Variants in PSEN2 observed in about 807,000 individuals in gnomAD.
The protein encoded by PSEN2 is presenilin 2.
In PSEN2, 32 loss-of-function variants were observed where a neutral mutation model predicts 49.1. The ratio of observed to expected loss-of-function variants is 0.65; its 90% CI spans 0.49 to 0.88. PSEN2 has a LOEUF of 0.88. Among genes scored for constraint, PSEN2 ranks in the 40% least tolerant of loss-of-function variants. PSEN2 has a pLI of 0.00. For synonymous variants in PSEN2, 255 were observed against 244.0 expected (o/e 1.05, Z -0.42); for missense variants, 522 against 586.9 (o/e 0.89, Z 1.14).
chr1:226,879,452 G>A (rs530650914), intron 3 of PSEN2, among the ~76,000 whole-genome samples: 9 of 152,164 alleles, frequency 5.9e-5, no homozygotes, highest in East Asian at 1.9e-4. Flanking sequence ...AGAAAGCTTC[G>A]GGGGCTCTCC....
chr1:226,891,352 C>G lies in PSEN2; in HGVS notation c.961C>G (p.Pro321Ala), dbSNP rs753390653. 2 of 1,612,648 alleles carry G rather than the reference C, an allele frequency of 1.2e-6. No homozygotes were observed. The highest frequency in any genetic ancestry group is 1.7e-6 in the Non-Finnish European group (2 of 1,179,526). ...SQGALQLPYD[P>A]EMEEDSYDSF... is the part of the protein sequence containing the mutation. ...GGGTGCCCTCCAGCTCCCCTACGAC[C>G]CGGAGATGGGTGAGTATCTTGGGGA... Residue 321 changes from proline (P) to alanine (A), a missense_variant, in exon 10 of 13, where the codon CCG becomes GCG. By Grantham distance (27) the Pro-to-Ala change is conservative (BLOSUM62 -1). Coordinates refer to ENST00000366783, the MANE Select transcript of PSEN2 (RefSeq NM_000447.3).
At chr1:226,885,854 G>A (rs1661328515) in intron 6 of PSEN2, among the ~76,000 whole-genome samples, 175 bp downstream of exon 6, 1 of 151,920 alleles carries the variant, frequency 6.6e-6, no homozygotes, top group Non-Finnish European at 1.5e-5. Context: ...ACCTAATACT[G>A]TTGTCTTTTA....
intron 3 of PSEN2, 96 bp from the exon 4 acceptor site, chr1:226,881,792 T>C (rs1013373586): frequency 7.3e-7 from 1 of 1,378,012 alleles, no homozygotes; most frequent in African/African-American, 1.4e-5. Flanking sequence ...AGGACTTGTG[T>C]CCAAGTCTCC....
intron 6 of PSEN2, 39 bp downstream of exon 6, chr1:226,885,718 C>T (rs200617488): frequency 4.4e-6 from 7 of 1,600,934 alleles, no homozygotes; most frequent in South Asian, 3.3e-5. Flanking sequence ...CGCTTCTCTC[C>T]GTCTGCCCCA....
intron 2 of PSEN2, among the ~76,000 whole-genome samples, chr1:226,873,080 G>A (rs1183892373): frequency 1.3e-5 from 2 of 152,254 alleles, no homozygotes; most frequent in East Asian, 3.9e-4. Context: ...AGGAGGCTGA[G>A]GCAGGAGAAT....
intron 2 of PSEN2, among the ~76,000 whole-genome samples, chr1:226,871,622 G>A (rs1342654627): frequency 6.6e-6 from 1 of 152,236 alleles, no homozygotes; most frequent in East Asian, 1.9e-4. Context: ...ACTCAGAAGC[G>A]ACAGCCTGGG....
intron 8 of PSEN2, among the ~76,000 whole-genome samples, chr1:226,889,298 A>G (rs1661582495): frequency 6.7e-6 from 1 of 150,274 alleles, no homozygotes; most frequent in Non-Finnish European, 1.5e-5. Flanking sequence ...TTTTTTTGAG[A>G]TGGAGTCTTG....
At chr1:226,890,588 C>T in intron 9 of PSEN2, 1 of 269,852 alleles carries the variant, frequency 3.7e-6, no homozygotes, top group Non-Finnish European at 7.3e-6. Context: ...GCCTCGGGGT[C>T]AATGTGTAGA....
intron 2 of PSEN2, among the ~76,000 whole-genome samples, chr1:226,872,532 C>T (rs953894717): frequency 1.3e-5 from 2 of 152,196 alleles, no homozygotes; most frequent in African/African-American, 2.4e-5. Flanking sequence ...TCAACTCCTA[C>T]CCGTGTCTCT....
At chr1:226,902,034 A>G (rs1558159685) in intron 12 of PSEN2, among the ~76,000 whole-genome samples, 1 of 152,028 alleles carries the variant, frequency 6.6e-6, no homozygotes, top group Non-Finnish European at 1.5e-5. Flanking sequence ...AGAGAGGAGG[A>G]TGTGACTTAG....
chr1:226,891,166 G>A, intron 9 of PSEN2, 112 bp from the exon 10 acceptor site: 1 of 858,104 alleles, frequency 1.2e-6, no homozygotes. Context: ...ATACCTGCAG[G>A]ATGGAGGGTC....
chr1:226,888,122 T>G lies in PSEN2; in HGVS notation c.530T>G (p.Leu177Arg), dbSNP rs1661492903. 6.2e-7 allele frequency: 1 copy of G among 1,613,866 alleles called. No individual in the cohort carries two copies. The highest frequency in any genetic ancestry group is 1.3e-5 in the African/African-American group (1 of 74,930). ...FIHGWLIMSS[L>R]MLLFLFTYIY... Reference sequence around the variant, plus strand: ...CATGGCTGGTTGATCATGTCTTCACTGATGCTGCTGTTCCTCTTCACCTAT... The same window carrying G: ...CATGGCTGGTTGATCATGTCTTCACGGATGCTGCTGTTCCTCTTCACCTAT... Residue 177 changes from leucine to arginine, a missense_variant, in exon 7 of 13, where the codon CTG becomes CGG. By Grantham distance (102) the Leu-to-Arg change is moderately radical (BLOSUM62 -2). Coordinates refer to ENST00000366783, the MANE Select transcript of PSEN2 (RefSeq NM_000447.3).
In PSEN2 at chr1:226,888,987, T is replaced by C. The variant is rs200133314; in HGVS notation, c.725T>C (p.Val242Ala). 3 of 1,614,124 alleles carry C rather than the reference T, an allele frequency of 1.9e-6. No homozygotes were observed. The highest frequency in any genetic ancestry group is 2.5e-6 in the Non-Finnish European group (3 of 1,180,004). ...LIMISALMALVFIKYLPEWSA... is the reference protein window; with the variant it reads ...LIMISALMALAFIKYLPEWSA... ...ATGATCAGTGCGCTCATGGCCCTAG[T>C]GTTCATCAAGTACCTCCCAGAGTGG... Residue 242 changes from valine to alanine, a missense_variant, in exon 8 of 13, where the codon GTG becomes GCG. Coordinates refer to ENST00000366783, the MANE Select transcript of PSEN2 (RefSeq NM_000447.3).
chr1:226,884,845 G>A (rs927475486), intron 5 of PSEN2, among the ~76,000 whole-genome samples: 17 of 152,094 alleles, frequency 1.1e-4, no homozygotes, highest in African/African-American at 4.1e-4. Flanking sequence ...CCCAGAAGTC[G>A]AGGCTGCAGT....
rs1661496258 is a variant in PSEN2, at chr1:226,888,150, C to A, written c.558C>A (p.Ile186=). The change falls in exon 7 of 13, where the codon ATC becomes ATA. Residue 186 remains isoleucine (I), a synonymous_variant. Coordinates refer to ENST00000366783, the MANE Select transcript of PSEN2 (RefSeq NM_000447.3). The part of the protein sequence containing the change: ...SLMLLFLFTY[I]YLGEVLKTYN... Reference sequence around the variant, plus strand: ...TGCTGCTGTTCCTCTTCACCTATATCTACCTTGGGTAAGTGACAGATAAGC... The same window carrying A: ...TGCTGCTGTTCCTCTTCACCTATATATACCTTGGGTAAGTGACAGATAAGC... 2.5e-6 allele frequency: 4 copies of A among 1,612,658 alleles called. No homozygotes were observed. The highest frequency in any genetic ancestry group is 2.5e-6 in the Non-Finnish European group (3 of 1,178,670).
chr1:226,883,495 C>T (rs1301228070), intron 4 of PSEN2, among the ~76,000 whole-genome samples: 1 of 152,170 alleles, frequency 6.6e-6, no homozygotes, highest in African/African-American at 2.4e-5. Flanking sequence ...AGCAACCTTC[C>T]TTCCTTCATT....
intron 11 of PSEN2, among the ~76,000 whole-genome samples, chr1:226,892,441 C>T (rs1661823402): frequency 6.6e-6 from 1 of 152,148 alleles, no homozygotes; most frequent in South Asian, 2.1e-4. Flanking sequence ...TTCATCCTGG[C>T]GTCAGTACAC....
At chr1:226,889,085 G>T (rs748437025) in intron 8 of PSEN2, 36 bp downstream of exon 8, 2 of 1,579,786 alleles carry the variant, frequency 1.3e-6, no homozygotes, top group Non-Finnish European at 1.7e-6. Flanking sequence ...GGCAGTGGGG[G>T]CGATGTCCAG....
chr1:226,894,714 G>A lies in PSEN2; in HGVS notation c.1191+589G>A, dbSNP rs560048229. Among the ~76,000 whole-genome samples, 297 of 152,346 alleles carry A rather than the reference G, an allele frequency of 1.9e-3. 1 individual carries two copies. Among genetic ancestry groups the A allele is most frequent in the African/African-American group, 7.0e-3 (290 of 41,574 alleles). ...CAGAGATTTCGCTGTCACGTTAGAG[G>A]AGGAGGAGCGTCTGAGCCGTGCGCT... On this transcript the variant is annotated intron_variant, in intron 12 of 12. Coordinates refer to ENST00000366783, the MANE Select transcript of PSEN2 (RefSeq NM_000447.3).
Sources: allele counts gnomAD v4.1 joint callset (sites outside exome capture counted in the v4.1 genomes callset), GRCh38; gene constraint gnomAD v4.1.1; transcripts MANE v1.5; gene names NCBI Gene and HGNC (gene_info 2026-07-23, HGNC 2026-07-21).